The following OXSR1 variants were observed in gnomAD, a reference collection of about 807,000 sequenced individuals.
OXSR1 encodes serine/threonine-protein kinase OSR1.
Under a neutral mutation model 79.8 loss-of-function variants are expected in OXSR1, and 24 were observed. That is an observed-to-expected ratio of 0.30 (90% CI 0.22 to 0.42). The LOEUF (loss-of-function observed/expected upper bound fraction) is 0.42, where lower values mean the gene tolerates loss of function less well. Ranked by LOEUF, OXSR1 falls within the 10% of genes least tolerant of loss-of-function variation. The pLI, the probability that OXSR1 is intolerant of heterozygous loss-of-function variation, is 1.00. For missense variants in OXSR1, 430 were observed against 618.4 expected, an observed-to-expected ratio of 0.70 and a Z score of 3.23; for synonymous variants, 226 against 209.2, an observed-to-expected ratio of 1.08 and a Z score of -0.69.
At chr3:38,237,851 G>A (rs1375106705) in intron 11 of OXSR1, among the ~76,000 whole-genome samples, 1 of 152,088 alleles carries the variant, frequency 6.6e-6, no homozygotes, top group Non-Finnish European at 1.5e-5. Context: ...GTGAGACTAT[G>A]GCATCCTTTC....
rs138607661 is a variant in OXSR1, at chr3:38,215,443, A to G, written c.435-653A>G. On this transcript the variant is annotated intron_variant, in intron 4 of 17. Transcript: ENST00000311806. The stretch of plus-strand genomic sequence containing the variant: ...TTTGCCAAAAACTTGTTTTTGCTAA[A>G]AAAAAACTAAGTTGTAGATTTGAAT... 2.0e-3 allele frequency among the ~76,000 whole-genome samples: 302 copies of G among 152,308 alleles called. 1 individual carries two copies. The highest frequency in any genetic ancestry group is 7.1e-3 in the African/African-American group (295 of 41,568).
intron 6 of OXSR1, 46 bp from the exon 7 acceptor site, chr3:38,223,766 A>G: frequency 7.1e-7 from 1 of 1,410,224 alleles, no homozygotes; most frequent in Non-Finnish European, 1.0e-6. Flanking sequence ...AACTTTTAAA[A>G]GTCCTTTTAT....
intron 6 of OXSR1, among the ~76,000 whole-genome samples, chr3:38,223,597 C>T (rs1024409223): frequency 2.6e-5 from 4 of 151,844 alleles, no homozygotes; most frequent in East Asian, 1.9e-4. Flanking sequence ...CATGCGCCAC[C>T]GTGCCCGGCT....
At chr3:38,181,202 A>G (rs1193223552) in intron 1 of OXSR1, among the ~76,000 whole-genome samples, 2 of 148,138 alleles carry the variant, frequency 1.4e-5, no homozygotes, top group East Asian at 2.0e-4. Flanking sequence ...CACCAAATTT[A>G]TCTTCTGTCA....
At chr3:38,192,990 A>G (rs1702009959) in intron 3 of OXSR1, among the ~76,000 whole-genome samples, 1 of 152,206 alleles carries the variant, frequency 6.6e-6, no homozygotes, top group African/African-American at 2.4e-5. Flanking sequence ...GAGACTATAA[A>G]CAACATAAGG....
rs1270768774 is a variant in OXSR1 at position 38,216,113 on chromosome 3, A to G, written c.452A>G (p.Asn151Ser). The change falls in exon 5 of 18, where the codon AAC becomes AGC. Residue 151 changes from asparagine (N) to serine (S), a missense_variant. Physicochemically the swap from Asn to Ser is conservative, Grantham distance 46 (BLOSUM62 1). Transcript: ENST00000311806. ...TTTTAAAGAGATGTGAAAGCTGGAAACATTCTTCTTGGAGAAGATGGCTCA... is the reference window on the plus strand; with the variant it reads ...TTTTAAAGAGATGTGAAAGCTGGAAGCATTCTTCTTGGAGAAGATGGCTCA... Reference protein sequence around the residue: ...GQIHRDVKAGNILLGEDGSVQ... With the variant: ...GQIHRDVKAGSILLGEDGSVQ... 6.3e-7 allele frequency: 1 copy of G among 1,598,328 alleles called. No individual in the cohort carries two copies. Among genetic ancestry groups the G allele is most frequent in the South Asian group, 1.1e-5 (1 of 89,130 alleles).
chr3:38,236,898 G>A lies in OXSR1; in HGVS notation c.1011G>A (p.Glu337=), dbSNP rs1470119233. The A allele has an allele frequency of 4.3e-6, 7 of 1,612,780 alleles. No individual in the cohort carries two copies. The highest frequency in any genetic ancestry group is 5.9e-6 in the Non-Finnish European group (7 of 1,179,152). ...ATAAGACAGAGGATGGAGGCTGGGA[G>A]TGGAGTGATGATGAATTTGATGAAG... ...RLHKTEDGGW[E]WSDDEFDEES... is the part of the protein sequence containing the mutation. The change falls in exon 11 of 18, where the codon GAG becomes GAA. Residue 337 remains glutamate (E), a synonymous_variant. Coordinates refer to ENST00000311806, the MANE Select transcript of OXSR1 (RefSeq NM_005109.3).
chr3:38,164,844 G>C (rs909506042), upstream of OXSR1, among the ~76,000 whole-genome samples: 2 of 152,062 alleles, frequency 1.3e-5, no homozygotes, highest in Non-Finnish European at 2.9e-5. Flanking sequence ...CGCGACAAGC[G>C]TTAGAGAGAA....
In OXSR1 at chr3:38,253,358, T is replaced by TG. The variant is rs1419339535; in HGVS notation, c.*467_*468insG. 2.6e-5 allele frequency: 4 copies of TG among 156,066 alleles called. No homozygotes were observed. The highest frequency in any genetic ancestry group is 9.6e-5 in the African/African-American group (4 of 41,532). The allele number at this position is 156,066 out of a possible 1,614,324, so 9.7% of individuals were successfully genotyped here. On this transcript the variant is annotated 3_prime_UTR_variant, in exon 18 of 18. Coordinates refer to ENST00000311806, the MANE Select transcript of OXSR1 (RefSeq NM_005109.3). Reference sequence around the variant, plus strand: ...TTCAGCTGGAGCCCAGAGAATTTAATTTAATGTTTTTTCTTTGTACCTGAT... The same window carrying TG: ...TTCAGCTGGAGCCCAGAGAATTTAATGTTAATGTTTTTTCTTTGTACCTGAT...
intron 4 of OXSR1, among the ~76,000 whole-genome samples, chr3:38,199,777 G>T (rs960180727): frequency 1.3e-5 from 2 of 152,130 alleles, no homozygotes; most frequent in African/African-American, 4.8e-5. Flanking sequence ...GGAGTGGAGT[G>T]GATTTCCTTG....
intron 4 of OXSR1, among the ~76,000 whole-genome samples, chr3:38,212,213 T>A (rs566185251): frequency 6.6e-6 from 1 of 152,306 alleles, no homozygotes; most frequent in Admixed American, 6.5e-5. Context: ...GACCTAGGCT[T>A]AGGAGAAAGT....
At chr3:38,191,169 C>T (rs1382935609) in intron 3 of OXSR1, among the ~76,000 whole-genome samples, 3 of 152,086 alleles carry the variant, frequency 2.0e-5, no homozygotes, top group African/African-American at 4.8e-5. Flanking sequence ...TCTCAGCCTC[C>T]CAAGTAGCTG....
intron 10 of OXSR1, among the ~76,000 whole-genome samples, chr3:38,232,937 A>G (rs1485349272): frequency 6.6e-6 from 1 of 152,214 alleles, no homozygotes; most frequent in African/African-American, 2.4e-5. Context: ...AAAGCTTGAA[A>G]GCTACCATAT....
rs1232867769 is a variant in OXSR1, at chr3:38,198,773, G to A, written c.344G>A (p.Ser115Asn). ...ATTGTGGCAAAAGGGGAACACAAAA[G>A]TGGAGTCCTAGATGAATCTACCATT... The part of the protein sequence containing the change: ...KHIVAKGEHK[S>N]GVLDESTIAT... The change falls in exon 4 of 18, where the codon AGT (serine) becomes AAT (asparagine). Residue 115 changes from serine (S) to asparagine (N), a missense_variant. Transcript: ENST00000311806. 6.2e-7 allele frequency: 1 copy of A among 1,613,154 alleles called. No homozygotes were observed. The highest frequency in any genetic ancestry group is 1.7e-5 in the Admixed American group (1 of 60,008).
rs144330957 is a variant in OXSR1 at position 38,175,783 on chromosome 3, C to T, written c.71-7220C>T. Among the ~76,000 whole-genome samples, 6 of 152,242 alleles carry T rather than the reference C, an allele frequency of 3.9e-5. No homozygotes were observed. The East Asian group carries it at 7.7e-4, about 20-fold the overall frequency. On this transcript the variant is annotated intron_variant, in intron 1 of 17. Coordinates refer to ENST00000311806, the MANE Select transcript of OXSR1 (RefSeq NM_005109.3). Reference sequence around the variant, plus strand: ...CACATTAATTTATTCTGCTGTGTGACGTAGGCTAACGTTGGTTGCAGTTAA... The same window carrying T: ...CACATTAATTTATTCTGCTGTGTGATGTAGGCTAACGTTGGTTGCAGTTAA...
chr3:38,187,246 CTATT>C (rs1223627692), intron 2 of OXSR1, among the ~76,000 whole-genome samples: 2 of 152,036 alleles, frequency 1.3e-5, no homozygotes, highest in African/African-American at 4.8e-5. Flanking sequence ...ATTTTCTATC[CTATT>C]TATTCATCTT....
At chr3:38,200,461 C>T (rs1422461277) in intron 4 of OXSR1, among the ~76,000 whole-genome samples, 1 of 152,140 alleles carries the variant, frequency 6.6e-6, no homozygotes, top group Non-Finnish European at 1.5e-5. Context: ...CTCTGCTTTC[C>T]TCTTTTCTCC....
At chr3:38,176,317 T>C (rs1157561016) in intron 1 of OXSR1, among the ~76,000 whole-genome samples, 2 of 152,216 alleles carry the variant, frequency 1.3e-5, no homozygotes, top group African/African-American at 2.4e-5. Flanking sequence ...TTCTGTATTA[T>C]TAGATTATTG....
At chr3:38,174,932 AT>A (rs933374540) in intron 1 of OXSR1, among the ~76,000 whole-genome samples, 2 of 152,112 alleles carry the variant, frequency 1.3e-5, no homozygotes, top group Non-Finnish European at 2.9e-5. Context: ...CAGTGTCTTT[AT>A]TTTCATCTTT....
Sources: allele counts gnomAD v4.1 joint callset (sites outside exome capture counted in the v4.1 genomes callset), GRCh38; gene constraint gnomAD v4.1.1; transcripts MANE v1.5; gene names NCBI Gene and HGNC (gene_info 2026-07-23, HGNC 2026-07-21).